The following GALNT1 variants were observed in gnomAD, a reference collection of about 807,000 sequenced individuals.
The protein encoded by GALNT1 is GalNAc transferase 1.
In GALNT1, 17 loss-of-function variants were observed where a neutral mutation model predicts 65.7. That is an observed-to-expected ratio of 0.26 (90% CI 0.18 to 0.39). GALNT1 has a LOEUF of 0.39. Among genes scored for constraint, GALNT1 ranks in the 10% least tolerant of loss-of-function variants. GALNT1 has a pLI of 1.00. For synonymous variants in GALNT1, 210 were observed against 219.7 expected, an observed-to-expected ratio of 0.96 and a Z score of 0.39; for missense variants, 460 against 672.8, an observed-to-expected ratio of 0.68 and a Z score of 3.50.
chr18:35,599,501 GC>G (rs372716101), intron 1 of GALNT1, among the ~76,000 whole-genome samples: 120 of 151,406 alleles, frequency 7.9e-4, no homozygotes, highest in African/African-American at 2.7e-3. Flanking sequence ...CTCCTAAGTA[GC>G]TGGGACCACA....
intron 9 of GALNT1, among the ~76,000 whole-genome samples, chr18:35,697,878 GAT>G (rs2048086002): frequency 6.6e-6 from 1 of 152,208 alleles, no homozygotes; most frequent in African/African-American, 2.4e-5. Flanking sequence ...CGTAAGGAAA[GAT>G]GAGTTAATCA....
At chr18:35,647,065 G>T (rs2047240849) in intron 1 of GALNT1, among the ~76,000 whole-genome samples, 1 of 152,090 alleles carries the variant, frequency 6.6e-6, no homozygotes, top group Non-Finnish European at 1.5e-5. Flanking sequence ...ATCATCTCCA[G>T]CTTCATCTCA....
At position 35,691,136 on chromosome 18, in the gene GALNT1, G is replaced by A; in HGVS notation, c.1103G>A (p.Arg368Gln). The change falls in exon 8 of 12, where the codon CGA becomes CAA. Residue 368 changes from arginine (R) to glutamine (Q), a missense_variant. Transcript: ENST00000269195. ...CAGATTATCAATAAAAATAACAGAC[G>A]ACTTGCAGAAGTGTGGATGGATGAA... is the stretch of plus-strand genomic sequence containing the variant. ...TGQIINKNNR[R>Q]LAEVWMDEFK... is the part of the protein sequence containing the mutation. The A allele has an allele frequency of 2.5e-6, 4 of 1,612,436 alleles. No individual in the cohort carries two copies. Among genetic ancestry groups the A allele is most frequent in the Non-Finnish European group, 2.5e-6 (3 of 1,179,356 alleles).
At position 35,645,218 on chromosome 18, in the gene GALNT1, GTTTTTTTT is replaced by G. The variant is rs1166987925; in HGVS notation, c.-103-9323_-103-9316del. Among the ~76,000 whole-genome samples the G allele has an allele frequency of 7.4e-5, 4 of 54,366 alleles. No homozygotes were observed. In the East Asian group the frequency reaches 1.6e-3, roughly 22 times the overall value. The allele number at this position is 54,366 out of a possible 152,430, so 35.7% of individuals were successfully genotyped here. A position where few individuals can be genotyped will look rare whatever the true frequency, so the allele number is the denominator to read the frequency against. On this transcript the variant is annotated intron_variant, in intron 1 of 11. Coordinates refer to ENST00000269195, the MANE Select transcript of GALNT1 (RefSeq NM_020474.4). ...TTGGGTTTTCATAGCTATTTTGAAT[GTTTTTTTT>G]TTTTTTTTTTTTTTTTTTCTGGGAG...
At chr18:35,700,538 C>A (rs1486940834) in intron 9 of GALNT1, among the ~76,000 whole-genome samples, 1 of 152,180 alleles carries the variant, frequency 6.6e-6, no homozygotes, top group Admixed American at 6.5e-5. Context: ...TGGAGAAACT[C>A]CACTTTCAAC....
chr18:35,640,276 C>T (rs1018399858), intron 1 of GALNT1, among the ~76,000 whole-genome samples: 3 of 152,058 alleles, frequency 2.0e-5, no homozygotes, highest in African/African-American at 7.2e-5. Flanking sequence ...TAGAAATCTT[C>T]GCAAGGTAGC....
intron 1 of GALNT1, among the ~76,000 whole-genome samples, chr18:35,621,104 A>T (rs2046845420): frequency 6.6e-6 from 1 of 151,812 alleles, no homozygotes; most frequent in African/African-American, 2.4e-5. Context: ...TTCCATGTTT[A>T]TGATTCTTTG....
chr18:35,669,599 A>T (rs1179798138), intron 3 of GALNT1, among the ~76,000 whole-genome samples: 2 of 152,264 alleles, frequency 1.3e-5, no homozygotes, highest in Non-Finnish European at 2.9e-5. Context: ...ATTTCATTAG[A>T]TACAGGAAAA....
chr18:35,595,255 G>T (rs2046491290), intron 1 of GALNT1, among the ~76,000 whole-genome samples: 1 of 152,084 alleles, frequency 6.6e-6, no homozygotes, highest in Non-Finnish European at 1.5e-5. Context: ...TATATGAAAA[G>T]ATTTTGCTTA....
At chr18:35,698,485 T>G (rs1469997710) in intron 9 of GALNT1, among the ~76,000 whole-genome samples, 1 of 151,620 alleles carries the variant, frequency 6.6e-6, no homozygotes, top group African/African-American at 2.4e-5. Context: ...TAAAATAAAA[T>G]AAAATAAATG....
chr18:35,624,633 CATTTT>C (rs2046893867), intron 1 of GALNT1, among the ~76,000 whole-genome samples: 2 of 152,160 alleles, frequency 1.3e-5, no homozygotes, highest in South Asian at 2.1e-4. Context: ...ATTCCTTTCT[CATTTT>C]ATTTTAAAGT....
intron 11 of GALNT1, among the ~76,000 whole-genome samples, chr18:35,705,645 A>G (rs613252): frequency 0.47 from 71,349 of 151,608 alleles, 17,516 homozygotes; most frequent in Middle Eastern, 0.61. Context: ...CCCCATAGCC[A>G]TTGTGACAAC....
At chr18:35,650,573 A>T (rs1011187301) in intron 1 of GALNT1, among the ~76,000 whole-genome samples, 6 of 152,144 alleles carry the variant, frequency 3.9e-5, no homozygotes, top group African/African-American at 1.4e-4. Flanking sequence ...CTACAACCAT[A>T]AAAGACAGAC....
At chr18:35,619,037 C>T (rs2046819475) in intron 1 of GALNT1, among the ~76,000 whole-genome samples, 1 of 152,090 alleles carries the variant, frequency 6.6e-6, no homozygotes, top group African/African-American at 2.4e-5. Flanking sequence ...GAAAACACAG[C>T]AACTTAAAAA....
intron 4 of GALNT1, among the ~76,000 whole-genome samples, chr18:35,682,132 A>C (rs1449224488): frequency 6.6e-6 from 1 of 152,166 alleles, no homozygotes; most frequent in Non-Finnish European, 1.5e-5. Context: ...CTTGGTTCAT[A>C]AAATCACAGT....
At chr18:35,667,751 T>A (rs1304171178) in intron 3 of GALNT1, among the ~76,000 whole-genome samples, 1 of 152,220 alleles carries the variant, frequency 6.6e-6, no homozygotes, top group East Asian at 1.9e-4. Flanking sequence ...ACTGCATCAC[T>A]GTGGTGTCAT....
intron 1 of GALNT1, among the ~76,000 whole-genome samples, chr18:35,595,121 C>G (rs1471840615): frequency 3.3e-5 from 5 of 152,116 alleles, no homozygotes; most frequent in Admixed American, 2.6e-4. Flanking sequence ...ATACACAATT[C>G]AGATTCTCCT....
At chr18:35,707,862 C>T (rs1332678971) in intron 11 of GALNT1, among the ~76,000 whole-genome samples, 3 of 152,240 alleles carry the variant, frequency 2.0e-5, no homozygotes, top group African/African-American at 4.8e-5. Flanking sequence ...CCACTGGCAG[C>T]AATGTGCACG....
At chr18:35,697,677 A>G (rs141336215) in intron 9 of GALNT1, among the ~76,000 whole-genome samples, 75 of 152,334 alleles carry the variant, frequency 4.9e-4, no homozygotes, top group Middle Eastern at 6.8e-3. Context: ...CACCATCTGC[A>G]TGTCCCCACA....
Sources: gnomAD v4.1 joint callset for allele counts (sites outside exome capture counted in the v4.1 genomes callset) on GRCh38, gnomAD v4.1.1 for gene constraint, MANE v1.5 for transcripts, NCBI Gene and HGNC (gene_info 2026-07-23, HGNC 2026-07-21) for gene names.